Variants in OXA1L observed in about 807,000 individuals in gnomAD.
OXA1L encodes mitochondrial inner membrane protein OXA1L.
A neutral mutation model predicts 52.2 loss-of-function variants in OXA1L; 42 were observed. That is an observed-to-expected ratio of 0.80 (90% CI 0.63 to 1.04). The LOEUF (loss-of-function observed/expected upper bound fraction) is 1.04. Among genes scored for constraint, OXA1L ranks in the 50% least tolerant of loss-of-function variants. The pLI, the probability that OXA1L is intolerant of heterozygous loss-of-function variation, is 0.00. For synonymous variants in OXA1L, 239 were observed against 201.9 expected, an observed-to-expected ratio of 1.18 and a Z score of -1.56; for missense variants, 572 against 555.0, an observed-to-expected ratio of 1.03 and a Z score of -0.31.
At chr14:22,766,953 A>C (rs1440519644) in intron 1 of OXA1L, 189 bp downstream of exon 1, 8 of 1,517,580 alleles carry the variant, frequency 5.3e-6, no homozygotes, top group Non-Finnish European at 7.0e-6. Flanking sequence ...GCCCGGTGTC[A>C]GCTTCTGGAA....
rs2038471412 is a variant in OXA1L, at chr14:22,771,967, GCA to G, written c.*413_*414del. ...TACAAAAATAGCCACACGTGGTGGT[GCA>G]CACCTGTAGTCCCAGCTACTCGGGA... On this transcript the variant is annotated 3_prime_UTR_variant, in exon 10 of 10. Transcript: ENST00000612549. 6 of 191,036 alleles carry G rather than the reference GCA, an allele frequency of 3.1e-5. No individual in the cohort carries two copies. Among genetic ancestry groups the G allele is most frequent in the Non-Finnish European group, 4.4e-5 (4 of 91,564 alleles). 11.8% of individuals were successfully genotyped at this position (191,036 alleles called of 1,614,324 possible). A position where few individuals can be genotyped will look rare whatever the true frequency, so the allele number is the denominator to read the frequency against.
chr14:22,768,983 TG>T (rs1594938391), intron 3 of OXA1L: 2 of 152,100 alleles, frequency 1.3e-5, no homozygotes, highest in African/African-American at 2.4e-5. Flanking sequence ...AGTGCAGTGG[TG>T]CAGTCTCAGC....
In OXA1L at chr14:22,768,153, T is replaced by TGG. The variant is rs1566433915; in HGVS notation, c.426_427dup (p.Ala143GlyfsTer13). 1 of 1,613,918 alleles carries TGG rather than the reference T, an allele frequency of 6.2e-7. No individual in the cohort carries two copies. Among genetic ancestry groups the TGG allele is most frequent in the Non-Finnish European group, 8.5e-7 (1 of 1,179,796 alleles). ...GCATGTTGATCTGGGCCTACCTTGG[T>TGG]GGGGGGCCATTGCTGCATGTAAGGG... On this transcript the variant is annotated frameshift_variant, in exon 3 of 10. Coordinates refer to ENST00000612549, the MANE Select transcript of OXA1L (RefSeq NM_005015.5). LOFTEE classifies it high-confidence loss of function.
chr14:22,767,238 A>G lies in OXA1L; in HGVS notation c.64-10A>G, dbSNP rs1566433264. On this transcript the variant is annotated splice_polypyrimidine_tract_variant and intron_variant, in intron 1 of 9. Transcript: ENST00000612549. ...GGTAAAGGGGCTCCATCATCCTTTT[A>G]CACGCTCAGGTCCACAGCGTCGCAG... is the stretch of plus-strand genomic sequence containing the variant. 4.4e-6 allele frequency: 7 copies of G among 1,598,562 alleles called. No homozygotes were observed. The highest frequency in any genetic ancestry group is 5.1e-6 in the Non-Finnish European group (6 of 1,173,910).
At chr14:22,768,300 G>A (rs1240773621) in intron 3 of OXA1L, 129 bp downstream of exon 3, 2 of 691,218 alleles carry the variant, frequency 2.9e-6, no homozygotes, top group Non-Finnish European at 5.1e-6. Flanking sequence ...ATGAGCAATA[G>A]AGGTTCATGA....
rs766565658 is a variant in OXA1L at position 22,770,203 on chromosome 14, T to C, written c.594T>C (p.Ala198=). The change falls in exon 5 of 10, where the codon GCT becomes GCC. Residue 198 remains alanine (A), a synonymous_variant. Transcript: ENST00000612549. ...LAGDHIEYYK[A]SSEMALYQKK... Reference sequence around the variant, plus strand: ...CCCCTCACCTCACAGATTACAAGGCTTCCTCGGAGATGGCACTTTACCAGA... The same window carrying C: ...CCCCTCACCTCACAGATTACAAGGCCTCCTCGGAGATGGCACTTTACCAGA... 1 of 1,609,026 alleles carries C rather than the reference T, an allele frequency of 6.2e-7. No homozygotes were observed. Among genetic ancestry groups the C allele is most frequent in the Non-Finnish European group, 8.5e-7 (1 of 1,175,352 alleles).
chr14:22,767,419 C>G lies in OXA1L; in HGVS notation c.225+10C>G. On this transcript the variant is annotated intron_variant, in intron 2 of 9. Coordinates refer to ENST00000612549, the MANE Select transcript of OXA1L (RefSeq NM_005015.5). ...TTTTGCAGAAGTCCAGGTAAGAGGC[C>G]TTTCGTTCCTGCAATATTAGGAGTG... 5 of 1,585,768 alleles carry G rather than the reference C, an allele frequency of 3.2e-6. No homozygotes were observed. The highest frequency in any genetic ancestry group is 4.3e-6 in the Non-Finnish European group (5 of 1,169,168).
Position 22,771,625 on chromosome 14 carries a change from T to C in OXA1L, c.*67T>C. The C allele has an allele frequency of 1.3e-6, 2 of 1,532,852 alleles. No homozygotes were observed. The highest frequency in any genetic ancestry group is 1.8e-6 in the Non-Finnish European group (2 of 1,108,076). The allele number at this position is 1,532,852 out of a possible 1,614,324, so 95.0% of individuals were successfully genotyped here. ...AGAGACTCATCCTCAAAACAAGACT[T>C]GACACTGTGTCCTTGCCCCAGTCCT... On this transcript the variant is annotated 3_prime_UTR_variant, in exon 10 of 10. Coordinates refer to ENST00000612549, the MANE Select transcript of OXA1L (RefSeq NM_005015.5).
In OXA1L at chr14:22,771,971, A is replaced by G. The variant is rs1302920282; in HGVS notation, c.*413A>G. 1 of 177,840 alleles carries G rather than the reference A, an allele frequency of 5.6e-6. No homozygotes were observed. Among genetic ancestry groups the G allele is most frequent in the African/African-American group, 2.4e-5 (1 of 42,092 alleles). The allele number at this position is 177,840 out of a possible 1,614,324, so 11.0% of individuals were successfully genotyped here. A position where few individuals can be genotyped will look rare whatever the true frequency, so the allele number is the denominator to read the frequency against. On this transcript the variant is annotated 3_prime_UTR_variant, in exon 10 of 10. Transcript: ENST00000612549. ...AAAATAGCCACACGTGGTGGTGCAC[A>G]CCTGTAGTCCCAGCTACTCGGGAGG...
rs141140443 is a variant in OXA1L at position 22,771,005 on chromosome 14, T to C, written c.940-13T>C. Reference sequence around the variant, plus strand: ...ATACAGCTTCTGAGTCCCTTCTCTGTGTTCTCACCCAGGCAGTGTTTATGT... The same window carrying C: ...ATACAGCTTCTGAGTCCCTTCTCTGCGTTCTCACCCAGGCAGTGTTTATGT... On this transcript the variant is annotated splice_polypyrimidine_tract_variant and intron_variant, in intron 7 of 9. Transcript: ENST00000612549. 4,254 of 1,614,188 alleles carry C rather than the reference T, an allele frequency of 2.6e-3. 16 individuals are homozygous for C. Among genetic ancestry groups the C allele is most frequent in the Non-Finnish European group, 3.2e-3 (3,730 of 1,179,994 alleles).
chr14:22,767,850 G>A, intron 2 of OXA1L, 108 bp from the exon 3 acceptor site: 1 of 813,600 alleles, frequency 1.2e-6, no homozygotes, highest in South Asian at 2.0e-5. Flanking sequence ...TAACCTGGAA[G>A]AACAAGAAGT....
chr14:22,767,188 C>T (rs1319414962), intron 1 of OXA1L, 60 bp from the exon 2 acceptor site: 2 of 1,567,256 alleles, frequency 1.3e-6, no homozygotes, highest in Admixed American at 1.8e-5. Flanking sequence ...ATCCCGTTTG[C>T]ACCCACGCGA....
Position 22,767,537 on chromosome 14 carries a change from A to G in OXA1L, c.225+128A>G. 1 of 730,432 alleles carries G rather than the reference A, an allele frequency of 1.4e-6. No individual in the cohort carries two copies. Among genetic ancestry groups the G allele is most frequent in the Non-Finnish European group, 2.2e-6 (1 of 450,922 alleles). The allele number at this position is 730,432 out of a possible 1,614,324, so 45.2% of individuals were successfully genotyped here. A position where few individuals can be genotyped will look rare whatever the true frequency, so the allele number is the denominator to read the frequency against. ...TCCACGCTCCACACAGCTCTCCAAA[A>G]TGATAGCATCTCTGCTTAGGATGGA... On this transcript the variant is annotated intron_variant, in intron 2 of 9. Coordinates refer to ENST00000612549, the MANE Select transcript of OXA1L (RefSeq NM_005015.5).
At chr14:22,768,273 A>G in intron 3 of OXA1L, 102 bp downstream of exon 3, 1 of 852,062 alleles carries the variant, frequency 1.2e-6, no homozygotes, top group South Asian at 1.4e-5. Context: ...TGGGGTCAGA[A>G]GAGCAGATGA....
At chr14:22,767,923 T>C (rs1369201074) in intron 2 of OXA1L, 35 bp from the exon 3 acceptor site, 2 of 1,533,760 alleles carry the variant, frequency 1.3e-6, no homozygotes, top group East Asian at 2.3e-5. Flanking sequence ...TGTTCGCTAC[T>C]GAATAAATAT....
Position 22,771,104 on chromosome 14 carries a change from T to C in OXA1L, c.1026T>C (p.Leu342=), listed in dbSNP as rs913398977. The change falls in exon 8 of 10, where the codon CTT becomes CTC. Residue 342 remains leucine, a synonymous_variant. Transcript: ENST00000612549. ...CLRIPAVRTV[L]KIPQRVVHDL... is the part of the protein sequence containing the mutation. The stretch of plus-strand genomic sequence containing the variant: ...GGATTCCAGCAGTACGCACTGTACT[T>C]AAAATCCCCCAGCGTGTTGTACATG... 1 of 1,614,136 alleles carries C rather than the reference T, an allele frequency of 6.2e-7. No individual in the cohort carries two copies. The highest frequency in any genetic ancestry group is 8.5e-7 in the Non-Finnish European group (1 of 1,179,994).
chr14:22,771,631 T>C lies in OXA1L; in HGVS notation c.*73T>C. On this transcript the variant is annotated 3_prime_UTR_variant, in exon 10 of 10. Coordinates refer to ENST00000612549, the MANE Select transcript of OXA1L (RefSeq NM_005015.5). The stretch of plus-strand genomic sequence containing the variant: ...TCATCCTCAAAACAAGACTTGACAC[T>C]GTGTCCTTGCCCCAGTCCTAGGAAC... The C allele has an allele frequency of 6.6e-7, 1 of 1,504,094 alleles. No individual in the cohort carries two copies. Among genetic ancestry groups the C allele is most frequent in the Admixed American group, 1.7e-5 (1 of 59,578 alleles). 93.2% of individuals were successfully genotyped at this position (1,504,094 alleles called of 1,614,324 possible). A position where few individuals can be genotyped will look rare whatever the true frequency, so the allele number is the denominator to read the frequency against.
chr14:22,767,257 G>T lies in OXA1L; in HGVS notation c.73G>T (p.Val25Phe). 1.2e-6 allele frequency: 2 copies of T among 1,609,248 alleles called. No homozygotes were observed. Among genetic ancestry groups the T allele is most frequent in the Non-Finnish European group, 1.7e-6 (2 of 1,178,310 alleles). Residue 25 changes from valine (V) to phenylalanine (F), a missense_variant, in exon 2 of 10, where the codon GTC becomes TTC. This residue lies in a region of OXA1L where 186 missense variants were observed against 151.8 expected (regional missense o/e 1.23). Transcript: ENST00000612549. ...CCTTTTACACGCTCAGGTCCACAGC[G>T]TCGCAGGGCCCTCGCAATGGCTTGG... Reference protein sequence around the residue: ...LLQSGRRVHSVAGPSQWLGKP... With the variant: ...LLQSGRRVHSFAGPSQWLGKP...
At position 22,772,860 on chromosome 14, in the gene OXA1L, C is replaced by T. The variant is rs893650469; in HGVS notation, c.*1302C>T. 6.0e-6 allele frequency: 1 copy of T among 166,596 alleles called. No individual in the cohort carries two copies. The highest frequency in any genetic ancestry group is 2.4e-5 in the African/African-American group (1 of 41,464). 10.3% of individuals were successfully genotyped at this position (166,596 alleles called of 1,614,324 possible). On this transcript the variant is annotated 3_prime_UTR_variant, in exon 10 of 10. Coordinates refer to ENST00000612549, the MANE Select transcript of OXA1L (RefSeq NM_005015.5). ...AAAAAGTTAGCTGAGCATGGTGGTG[C>T]TTGTCCATAGTCCCAGCTACCTGGG...
Sources: allele counts gnomAD v4.1 joint callset, GRCh38; gene constraint gnomAD v4.1.1; regional missense constraint gnomAD v4.1.1; transcripts MANE v1.5; gene names NCBI Gene and HGNC (gene_info 2026-07-23, HGNC 2026-07-21).